The following ZCCHC17 variants were observed in gnomAD, a reference collection of about 807,000 sequenced individuals.
ZCCHC17 encodes zinc finger CCHC domain-containing protein 17.
In ZCCHC17, 18 loss-of-function variants were observed where a neutral mutation model predicts 30.6. The observed-to-expected ratio is 0.59, with a 90% confidence interval of 0.41 to 0.87. ZCCHC17 has a LOEUF of 0.87. Among genes scored for constraint, ZCCHC17 ranks in the 40% least tolerant of loss-of-function variants. The pLI is 0.00. For missense variants in ZCCHC17, 263 were observed against 284.2 expected (o/e 0.93, Z 0.54); for synonymous variants, 88 against 92.4 (o/e 0.95, Z 0.27).
At chr1:31,311,800 G>A (rs760230878) in intron 2 of ZCCHC17, among the ~76,000 whole-genome samples, 5 of 152,230 alleles carry the variant, frequency 3.3e-5, no homozygotes, top group Non-Finnish European at 7.3e-5. Context: ...AAATACCAAA[G>A]TTCATGTTGA....
chr1:31,309,211 C>T (rs1488765360), intron 1 of ZCCHC17, among the ~76,000 whole-genome samples: 1 of 152,194 alleles, frequency 6.6e-6, no homozygotes, highest in East Asian at 1.9e-4. Context: ...TTTGACTCCC[C>T]ATTTCCTGGC....
At chr1:31,302,442 A>T (rs1253338528) in intron 1 of ZCCHC17, among the ~76,000 whole-genome samples, 1 of 152,130 alleles carries the variant, frequency 6.6e-6, no homozygotes, top group Admixed American at 6.6e-5. Context: ...CAAATGAGAA[A>T]TGGTCCTTGG....
At chr1:31,338,831 C>G (rs1424681826) in intron 4 of ZCCHC17, 126 bp from the exon 5 acceptor site, 4 of 622,630 alleles carry the variant, frequency 6.4e-6, no homozygotes, top group Non-Finnish European at 1.1e-5. Flanking sequence ...CTGCAATGTT[C>G]CTAGCACAGT....
chr1:31,335,453 G>C (rs915081860), intron 3 of ZCCHC17, among the ~76,000 whole-genome samples: 27 of 152,094 alleles, frequency 1.8e-4, no homozygotes, highest in Admixed American at 1.1e-3. Context: ...ACAGCTTACT[G>C]TAGCCTTGAC....
chr1:31,342,765 A>C (rs779453486), intron 5 of ZCCHC17, among the ~76,000 whole-genome samples: 5 of 152,228 alleles, frequency 3.3e-5, no homozygotes, highest in Non-Finnish European at 5.9e-5. Flanking sequence ...CTCCCTGTTT[A>C]AAGAAAGGGT....
intron 1 of ZCCHC17, among the ~76,000 whole-genome samples, chr1:31,307,240 C>T (rs541626017): frequency 3.9e-5 from 6 of 151,926 alleles, no homozygotes; most frequent in Non-Finnish European, 8.8e-5. Flanking sequence ...CCCACGATTA[C>T]AGTCGTGAGC....
chr1:31,338,177 C>G (rs1274424947), intron 4 of ZCCHC17, among the ~76,000 whole-genome samples: 1 of 140,586 alleles, frequency 7.1e-6, no homozygotes, highest in Non-Finnish European at 1.5e-5. Flanking sequence ...AAGATGGGGT[C>G]TCACTGTGTT....
chr1:31,348,477 G>A (rs1477979253), intron 6 of ZCCHC17, among the ~76,000 whole-genome samples: 2 of 152,120 alleles, frequency 1.3e-5, no homozygotes, highest in Non-Finnish European at 2.9e-5. Flanking sequence ...CTGCTCTCTG[G>A]AGCAGTCTTT....
intron 5 of ZCCHC17, 56 bp from the exon 6 acceptor site, chr1:31,346,584 G>A (rs1228352242): frequency 1.8e-5 from 27 of 1,512,574 alleles, no homozygotes; most frequent in Non-Finnish European, 2.4e-5. Flanking sequence ...TTACCTTGTA[G>A]TATCTCTGGC....
At chr1:31,323,042 T>C (rs1646896530) in intron 3 of ZCCHC17, among the ~76,000 whole-genome samples, 1 of 152,018 alleles carries the variant, frequency 6.6e-6, no homozygotes, top group Admixed American at 6.5e-5. Context: ...TCTAACCCTA[T>C]CTAATCACAT....
At chr1:31,297,948 T>C (rs1473584886) in intron 1 of ZCCHC17, among the ~76,000 whole-genome samples, 4 of 152,172 alleles carry the variant, frequency 2.6e-5, no homozygotes, top group Non-Finnish European at 5.9e-5. Flanking sequence ...GTGATAGCGG[T>C]CAGACCTTGC....
At chr1:31,337,456 A>G (rs1026926026) in intron 4 of ZCCHC17, among the ~76,000 whole-genome samples, 181 bp downstream of exon 4, 17 of 152,228 alleles carry the variant, frequency 1.1e-4, no homozygotes, top group African/African-American at 4.1e-4. Context: ...CAAACTCAGA[A>G]GGAATGATAT....
chr1:31,337,486 C>T (rs1014939991), intron 4 of ZCCHC17, among the ~76,000 whole-genome samples: 1 of 152,064 alleles, frequency 6.6e-6, no homozygotes. Flanking sequence ...AAGTGTGGTG[C>T]AATAAGTGCA....
chr1:31,311,776 A>G (rs1018627166), intron 2 of ZCCHC17, among the ~76,000 whole-genome samples: 2 of 152,236 alleles, frequency 1.3e-5, no homozygotes, highest in Non-Finnish European at 2.9e-5. Flanking sequence ...TAGGCTTCAA[A>G]GTGAATATTG....
chr1:31,339,374 C>T (rs1297340664), intron 5 of ZCCHC17, among the ~76,000 whole-genome samples: 4 of 152,078 alleles, frequency 2.6e-5, no homozygotes, highest in Non-Finnish European at 5.9e-5. Flanking sequence ...TGTGGTAGTG[C>T]GTGCCTCTAG....
intron 3 of ZCCHC17, among the ~76,000 whole-genome samples, chr1:31,326,114 C>G (rs1283726634): frequency 1.3e-5 from 2 of 151,964 alleles, no homozygotes; most frequent in Non-Finnish European, 2.9e-5. Flanking sequence ...TGTGCATATG[C>G]CTTTAATATC....
At chr1:31,358,726 T>C (rs1440518225) in intron 7 of ZCCHC17, among the ~76,000 whole-genome samples, 2 of 151,948 alleles carry the variant, frequency 1.3e-5, no homozygotes, top group African/African-American at 4.8e-5. Flanking sequence ...GGGCGGGGCA[T>C]AGAAATTGAG....
At chr1:31,306,985 G>A (rs1569745538) in intron 1 of ZCCHC17, among the ~76,000 whole-genome samples, 1 of 151,938 alleles carries the variant, frequency 6.6e-6, no homozygotes, top group Non-Finnish European at 1.5e-5. Context: ...CTACAGGTGC[G>A]CACCACCATG....
chr1:31,314,432 C>T (rs1284055499), intron 2 of ZCCHC17, among the ~76,000 whole-genome samples: 1 of 138,886 alleles, frequency 7.2e-6, no homozygotes, highest in South Asian at 2.3e-4. Context: ...AGAGGAGTTA[C>T]ATTAAAATTG....
Sources: allele counts gnomAD v4.1 joint callset (sites outside exome capture counted in the v4.1 genomes callset), GRCh38; gene constraint gnomAD v4.1.1; transcripts MANE v1.5; gene names NCBI Gene and HGNC (gene_info 2026-07-23, HGNC 2026-07-21).